ANKRD52: variants seen among roughly 807,000 people sequenced by gnomAD.
ANKRD52 encodes ankyrin repeat domain 52.
In ANKRD52, 7 loss-of-function variants were observed where a neutral mutation model predicts 116.0. The observed-to-expected ratio is 0.06, with a 90% CI of 0.03 to 0.11. ANKRD52 has a LOEUF of 0.11. ANKRD52 is among the 10% of genes least tolerant of loss of function. The pLI, the probability that ANKRD52 is intolerant of heterozygous loss-of-function variation, is 1.00. For synonymous variants in ANKRD52, 528 were observed against 578.1 expected (o/e 0.91, Z 1.24); for missense variants, 839 against 1,408.6 (o/e 0.60, Z 6.47).
intron 4 of ANKRD52, 92 bp from the exon 5 acceptor site, chr12:56,256,076 G>T: frequency 7.9e-7 from 1 of 1,260,830 alleles, no homozygotes; most frequent in East Asian, 2.6e-5. Context: ...AGCATCTACA[G>T]CCCCTTCCCC....
chr12:56,252,079 G>A lies in ANKRD52; in HGVS notation c.1528C>T (p.Pro510Ser). ...DTYRRAEPHTPSSHDAEEDEP... is the reference protein window; with the variant it reads ...DTYRRAEPHTSSSHDAEEDEP... The stretch of plus-strand genomic sequence containing the variant: ...TCCTCTTCGGCATCATGGCTGGAAG[G>A]TGTATGGGGTTCCGCTCTGGGGAAG... The change falls in exon 15 of 28, where the codon CCT becomes TCT. Residue 510 changes from proline to serine, a missense_variant. Around this residue, in one of 2 missense-constraint regions of ANKRD52, gnomAD observed 552 missense variants for 810.6 expected, o/e 0.68. Coordinates refer to ENST00000267116, the MANE Select transcript of ANKRD52 (RefSeq NM_173595.4). The surrounding 1 kb of genome is among the most constrained non-coding windows in gnomAD (Gnocchi z 4.7). 6.2e-7 allele frequency: 1 copy of A among 1,614,002 alleles called. No individual in the cohort carries two copies. Among genetic ancestry groups the A allele is most frequent in the East Asian group, 2.2e-5 (1 of 44,890 alleles).
In ANKRD52 at chr12:56,242,987, G is replaced by A; in HGVS notation, c.*155C>T. ...ACCCCTGCCAGGCCAAGATGGTGTG[G>A]CAAAGGGGTGAGCAGCTGCTCCCCA... is the stretch of plus-strand genomic sequence containing the variant. On this transcript the variant is annotated 3_prime_UTR_variant, in exon 28 of 28. Coordinates refer to ENST00000267116, the MANE Select transcript of ANKRD52 (RefSeq NM_173595.4). The surrounding 1 kb of genome is among the most constrained non-coding windows in gnomAD (Gnocchi z 4.3). 8.8e-7 allele frequency: 1 copy of A among 1,134,408 alleles called. No individual in the cohort carries two copies. The highest frequency in any genetic ancestry group is 1.2e-6 in the Non-Finnish European group (1 of 827,230). 70.3% of individuals were successfully genotyped at this position (1,134,408 alleles called of 1,614,324 possible). A position where few individuals can be genotyped will look rare whatever the true frequency, so the allele number is the denominator to read the frequency against.
At chr12:56,256,977 T>C (rs1565613235) in intron 4 of ANKRD52, 38 bp downstream of exon 4, 10 of 1,592,718 alleles carry the variant, frequency 6.3e-6, no homozygotes, top group South Asian at 2.3e-5. Flanking sequence ...AAGCAACTTA[T>C]CCTTTTTGAA....
rs1871909899 is a variant in ANKRD52, at chr12:56,255,538, C to A, written c.462+246G>T. ...TTGCAAATGTGCTGAAAGACATGGA[C>A]TCTCTTCAGAAAGGCGTGTATGCAA... On this transcript the variant is annotated intron_variant, in intron 5 of 27. Transcript: ENST00000267116. This position sits in a 1 kb window ranked among gnomAD's most constrained non-coding sequence, Gnocchi z 4.3. Among the ~76,000 whole-genome samples the A allele has an allele frequency of 6.6e-6, 1 of 152,236 alleles. No individual in the cohort carries two copies. The highest frequency in any genetic ancestry group is 1.5e-5 in the Non-Finnish European group (1 of 68,044).
rs755787647 is a variant in ANKRD52, at chr12:56,248,055, C to T, written c.1946G>A (p.Arg649His). Residue 649 changes from arginine to histidine, a missense_variant, in exon 18 of 28, where the codon CGC (arginine) becomes CAC (histidine). Arg to His is a conservative substitution (Grantham distance 29, BLOSUM62 0). Transcript: ENST00000267116. This position sits in a 1 kb window ranked among gnomAD's most constrained non-coding sequence, Gnocchi z 5.1. ...AHGASALIKE[R>H]KRKWTPLHAA... ...GTGCAGGGGTGTCCACTTGCGCTTGCGCTCCTTGATGAGGGCAGAGGCGCC... is the reference window on the plus strand; with the variant it reads ...GTGCAGGGGTGTCCACTTGCGCTTGTGCTCCTTGATGAGGGCAGAGGCGCC... 1.6e-5 allele frequency: 26 copies of T among 1,608,824 alleles called. No homozygotes were observed. Among genetic ancestry groups the T allele is most frequent in the Middle Eastern group, 1.6e-4 (1 of 6,082 alleles).
rs765575864 is a variant in ANKRD52, at chr12:56,257,927, G to A, written c.28-16C>T. ...CCAGGGGCGGCTGCAGAGAGAACCG[G>A]CATTCTGAGAGCGGGCTGGAGCCGG... is the stretch of plus-strand genomic sequence containing the variant. On this transcript the variant is annotated splice_polypyrimidine_tract_variant and intron_variant, in intron 1 of 27. Transcript: ENST00000267116. 1.2e-6 allele frequency: 2 copies of A among 1,609,698 alleles called. No homozygotes were observed. Among genetic ancestry groups the A allele is most frequent in the Admixed American group, 3.3e-5 (2 of 59,730 alleles).
rs763276104 is a variant in ANKRD52 at position 56,244,929 on chromosome 12, C to T, written c.2553G>A (p.Val851=). 1 of 1,613,942 alleles carries T rather than the reference C, an allele frequency of 6.2e-7. No individual in the cohort carries two copies. The highest frequency in any genetic ancestry group is 2.2e-5 in the East Asian group (1 of 44,892). The change falls in exon 23 of 28, where the codon GTG becomes GTA. Residue 851 remains valine (V), a synonymous_variant. Transcript: ENST00000267116. This position sits in a 1 kb window ranked among gnomAD's most constrained non-coding sequence, Gnocchi z 4.9. ...ACCGTCCTTTGGCATCTCGGCTGTTCACAATCTTGGCACCCAGAGCTCCCA... is the reference window on the plus strand; with the variant it reads ...ACCGTCCTTTGGCATCTCGGCTGTTTACAATCTTGGCACCCAGAGCTCCCA... ...MLLGALGAKI[V]NSRDAKGRTP...
At chr12:56,258,151 T>A in intron 1 of ANKRD52, 92 bp downstream of exon 1, 1 of 1,542,884 alleles carries the variant, frequency 6.5e-7, no homozygotes, top group Non-Finnish European at 8.8e-7. Flanking sequence ...AGCCCCGGGC[T>A]CAGGCCCAGC....
Position 56,253,470 on chromosome 12 carries a change from C to T in ANKRD52, c.986-68G>A. On this transcript the variant is annotated intron_variant, in intron 9 of 27. Transcript: ENST00000267116. The surrounding 1 kb of genome is among the most constrained non-coding windows in gnomAD (Gnocchi z 5.5). Reference sequence around the variant, plus strand: ...CTTAAGACCACTTTCGCGAGCTAGCCATGATTTGAGTGCCTACTATGTATG... The same window carrying T: ...CTTAAGACCACTTTCGCGAGCTAGCTATGATTTGAGTGCCTACTATGTATG... 1 of 1,293,160 alleles carries T rather than the reference C, an allele frequency of 7.7e-7. No homozygotes were observed. Among genetic ancestry groups the T allele is most frequent in the Non-Finnish European group, 1.1e-6 (1 of 899,452 alleles). The allele number at this position is 1,293,160 out of a possible 1,614,324, so 80.1% of individuals were successfully genotyped here. A position where few individuals can be genotyped will look rare whatever the true frequency, so the allele number is the denominator to read the frequency against.
In ANKRD52 at chr12:56,252,531, A is replaced by G; in HGVS notation, c.1341T>C (p.Ala447=). Residue 447 remains alanine (A), a synonymous_variant, in exon 13 of 28, where the codon GCT becomes GCC. Coordinates refer to ENST00000267116, the MANE Select transcript of ANKRD52 (RefSeq NM_173595.4). This position sits in a 1 kb window ranked among gnomAD's most constrained non-coding sequence, Gnocchi z 4.7. ...CAAATTTGTCCCTCCTCCTCAAGTC[A>G]GCTCCACTGCTCAACAGCAAATTAA... is the stretch of plus-strand genomic sequence containing the variant. The part of the protein sequence containing the change: ...ECLNLLLSSG[A]DLRRRDKFGR... 6.2e-7 allele frequency: 1 copy of G among 1,613,970 alleles called. No homozygotes were observed. The highest frequency in any genetic ancestry group is 8.5e-7 in the Non-Finnish European group (1 of 1,179,888).
At chr12:56,251,989 T>A (rs1871717692) in intron 15 of ANKRD52, 26 bp downstream of exon 15, 2 of 1,609,862 alleles carry the variant, frequency 1.2e-6, no homozygotes, top group Admixed American at 1.7e-5. Flanking sequence ...GGAAAGCACA[T>A]CCCAGGGGCC....
rs1324168270 is a variant in ANKRD52, at chr12:56,247,690, C to T, written c.2063G>A (p.Gly688Glu). The part of the protein sequence containing the change: ...ADITDVMDAY[G>E]QTPLMLAIMN... ...CCCCACCCTGGCCCACACTCACTGT[C>T]CATAGGCATCCATGACATCTGTGAT... Residue 688 changes from glycine to glutamate, a missense_variant, in exon 19 of 28, where the codon GGA becomes GAA. Physicochemically the swap from Gly to Glu is moderately conservative, Grantham distance 98. Around this residue, in one of 2 missense-constraint regions of ANKRD52, gnomAD observed 552 missense variants for 810.6 expected, o/e 0.68. Transcript: ENST00000267116. 6.2e-7 allele frequency: 1 copy of T among 1,611,010 alleles called. No homozygotes were observed. Among genetic ancestry groups the T allele is most frequent in the Non-Finnish European group, 8.5e-7 (1 of 1,178,612 alleles).
Position 56,257,721 on chromosome 12 carries a change from G to A in ANKRD52, c.111+107C>T, listed in dbSNP as rs748841924. ...TTCACTCCAGGATGGAAAGAACTGCGGCCTCATCTGAGCAGAGGAGACACG... is the reference window on the plus strand; with the variant it reads ...TTCACTCCAGGATGGAAAGAACTGCAGCCTCATCTGAGCAGAGGAGACACG... On this transcript the variant is annotated intron_variant, in intron 2 of 27. Transcript: ENST00000267116. 7.3e-4 allele frequency: 771 copies of A among 1,063,134 alleles called. 2 individuals are homozygous for A. The highest frequency in any genetic ancestry group is 7.7e-4 in the Non-Finnish European group (544 of 709,386). 65.9% of individuals were successfully genotyped at this position (1,063,134 alleles called of 1,614,324 possible). A position where few individuals can be genotyped will look rare whatever the true frequency, so the allele number is the denominator to read the frequency against.
Position 56,243,913 on chromosome 12 carries a change from G to GCT in ANKRD52, c.2889-39_2889-38dup, listed in dbSNP as rs2135877465. 1 of 1,589,132 alleles carries GCT rather than the reference G, an allele frequency of 6.3e-7. No homozygotes were observed. The highest frequency in any genetic ancestry group is 1.1e-5 in the South Asian group (1 of 88,566). ...GGAAAAAGAAGGAGCTTGATGCTAAGCTGCCCTTCCACCTCCAGACAGGGT... is the reference window on the plus strand; with the variant it reads ...GGAAAAAGAAGGAGCTTGATGCTAAGCTCTGCCCTTCCACCTCCAGACAGGGT... On this transcript the variant is annotated intron_variant, in intron 26 of 27. Transcript: ENST00000267116. This position sits in a 1 kb window ranked among gnomAD's most constrained non-coding sequence, Gnocchi z 4.6.
At chr12:56,246,384 T>C (rs895087659) in intron 20 of ANKRD52, among the ~76,000 whole-genome samples, 1 of 152,124 alleles carries the variant, frequency 6.6e-6, no homozygotes, top group Non-Finnish European at 1.5e-5. Flanking sequence ...CTTGACTCTC[T>C]CTATGCCAGC....
rs1318224462 is a variant in ANKRD52 at position 56,252,068 on chromosome 12, A to G, written c.1539T>C (p.His513=). 1.2e-6 allele frequency: 2 copies of G among 1,613,772 alleles called. No individual in the cohort carries two copies. Among genetic ancestry groups the G allele is most frequent in the Non-Finnish European group, 1.7e-6 (2 of 1,179,884 alleles). Residue 513 remains histidine, a synonymous_variant, in exon 15 of 28, where the codon CAT becomes CAC. Coordinates refer to ENST00000267116, the MANE Select transcript of ANKRD52 (RefSeq NM_173595.4). The surrounding 1 kb of genome is among the most constrained non-coding windows in gnomAD (Gnocchi z 4.7). ...TCAGTGGCTCGTCCTCTTCGGCATC[A>G]TGGCTGGAAGGTGTATGGGGTTCCG... is the stretch of plus-strand genomic sequence containing the variant. The part of the protein sequence containing the change: ...RRAEPHTPSS[H]DAEEDEPLKE...
intron 1 of ANKRD52, 58 bp from the exon 2 acceptor site, chr12:56,257,969 G>T: frequency 6.7e-7 from 1 of 1,491,756 alleles, no homozygotes; most frequent in East Asian, 2.3e-5. Flanking sequence ...ACCGGTGTGG[G>T]GGTGGGGGTG....
Position 56,253,956 on chromosome 12 carries a change from T to C in ANKRD52, c.906+111A>G. ...TTCCTGAGTCCCTGGCAAGGTCTGATTACCCTAGGAAGCAAGTGGATAATT... is the reference window on the plus strand; with the variant it reads ...TTCCTGAGTCCCTGGCAAGGTCTGACTACCCTAGGAAGCAAGTGGATAATT... On this transcript the variant is annotated intron_variant, in intron 8 of 27. Transcript: ENST00000267116. This position sits in a 1 kb window ranked among gnomAD's most constrained non-coding sequence, Gnocchi z 5.5. 1 of 1,365,956 alleles carries C rather than the reference T, an allele frequency of 7.3e-7. No individual in the cohort carries two copies. The highest frequency in any genetic ancestry group is 1.0e-6 in the Non-Finnish European group (1 of 984,452). The allele number at this position is 1,365,956 out of a possible 1,614,324, so 84.6% of individuals were successfully genotyped here. A position where few individuals can be genotyped will look rare whatever the true frequency, so the allele number is the denominator to read the frequency against.
In ANKRD52 at chr12:56,258,363, G is replaced by C; in HGVS notation, c.-94C>G. ...AGCGGCCCAGGCGGCGGCTGCGGTGGCGGCTGCAGGGAGAGCGCGGCCCCG... is the reference window on the plus strand; with the variant it reads ...AGCGGCCCAGGCGGCGGCTGCGGTGCCGGCTGCAGGGAGAGCGCGGCCCCG... On this transcript the variant is annotated 5_prime_UTR_variant, in exon 1 of 28. Coordinates refer to ENST00000267116, the MANE Select transcript of ANKRD52 (RefSeq NM_173595.4). 1 of 1,326,960 alleles carries C rather than the reference G, an allele frequency of 7.5e-7. No individual in the cohort carries two copies. The highest frequency in any genetic ancestry group is 2.0e-5 in the South Asian group (1 of 51,092). 82.2% of individuals were successfully genotyped at this position (1,326,960 alleles called of 1,614,324 possible).
Sources: allele counts gnomAD v4.1 joint callset (sites outside exome capture counted in the v4.1 genomes callset), GRCh38; gene constraint gnomAD v4.1.1; regional missense constraint gnomAD v4.1.1; non-coding constraint Gnocchi (gnomAD v3.1); transcripts MANE v1.5; gene names NCBI Gene and HGNC (gene_info 2026-07-23, HGNC 2026-07-21).